SAMD13: variants seen among roughly 807,000 people sequenced by gnomAD.
The protein encoded by SAMD13 is sterile alpha motif domain containing 13.
A neutral mutation model predicts 12.4 loss-of-function variants in SAMD13; 9 were observed. The ratio of observed to expected loss-of-function variants is 0.72; its 90% CI spans 0.44 to 1.26. The LOEUF is 1.26. Among genes scored for constraint, SAMD13 ranks in the 50% most tolerant of loss-of-function variants. The pLI is 0.00. For synonymous variants in SAMD13, 46 were observed against 45.4 expected, an observed-to-expected ratio of 1.01 and a Z score of -0.05; for missense variants, 84 against 119.6, an observed-to-expected ratio of 0.70 and a Z score of 1.39.
intron 1 of SAMD13, chr1:84,302,945 C>G: frequency 3.1e-6 from 1 of 318,174 alleles, no homozygotes; most frequent in African/African-American, 2.1e-5. Context: ...TTGTTTTCAA[C>G]GAGGATTCAA....
At chr1:84,336,426 A>G (rs904202559) in intron 3 of SAMD13, among the ~76,000 whole-genome samples, 44 of 152,206 alleles carry the variant, frequency 2.9e-4, no homozygotes, top group Admixed American at 1.4e-3. Context: ...CAATCATGGC[A>G]GAAGGCAACC....
At chr1:84,311,840 G>A (rs1339914130) in intron 2 of SAMD13, among the ~76,000 whole-genome samples, 1 of 152,130 alleles carries the variant, frequency 6.6e-6, no homozygotes, top group Non-Finnish European at 1.5e-5. Flanking sequence ...CATGAATTTA[G>A]TTTTTCAAAT....
rs1195612908 is a variant in SAMD13 at position 84,337,501 on chromosome 1, C to T, written c.165+11753C>T. ...CAAGCTCTACATTGGTCCCTTTCAG[C>T]CATGGCTGGAGTGGCTGGGACACAG... is the stretch of plus-strand genomic sequence containing the variant. On this transcript the variant is annotated intron_variant, in intron 3 of 3. Coordinates refer to ENST00000394834, the MANE Select transcript of SAMD13 (RefSeq NM_001134663.2). Among the ~76,000 whole-genome samples, 11 of 152,332 alleles carry T rather than the reference C, an allele frequency of 7.2e-5. No homozygotes were observed. In the East Asian group the frequency reaches 2.1e-3, roughly 29 times the overall value.
At chr1:84,334,535 G>A (rs772067855) in intron 3 of SAMD13, among the ~76,000 whole-genome samples, 4 of 151,916 alleles carry the variant, frequency 2.6e-5, no homozygotes, top group Non-Finnish European at 5.9e-5. Context: ...CTTTTATATG[G>A]TTTTTCATGT....
At chr1:84,338,968 T>C (rs546225094) in intron 3 of SAMD13, among the ~76,000 whole-genome samples, 1 of 152,348 alleles carries the variant, frequency 6.6e-6, no homozygotes, top group Non-Finnish European at 1.5e-5. Context: ...GATTGTATTA[T>C]GAAACTCTTG....
At chr1:84,327,621 A>T (rs190154645) in intron 3 of SAMD13, among the ~76,000 whole-genome samples, 5 of 152,304 alleles carry the variant, frequency 3.3e-5, no homozygotes, top group Admixed American at 3.3e-4. Flanking sequence ...AAAAGAAAAG[A>T]ACTATGAAAA....
intron 2 of SAMD13, among the ~76,000 whole-genome samples, chr1:84,305,748 A>G (rs553417149): frequency 6.6e-5 from 10 of 152,260 alleles, no homozygotes; most frequent in Middle Eastern, 3.4e-3. Context: ...TGGATATCCA[A>G]TCTTTCCACC....
chr1:84,302,710 C>T (rs1678477961), intron 1 of SAMD13: 2 of 982,804 alleles, frequency 2.0e-6, no homozygotes, highest in Non-Finnish European at 2.4e-6. Flanking sequence ...TACTTGCTGA[C>T]AAAAGCTTTA....
intron 3 of SAMD13, among the ~76,000 whole-genome samples, chr1:84,347,305 A>G (rs1054921891): frequency 3.9e-5 from 6 of 152,222 alleles, no homozygotes; most frequent in Admixed American, 6.5e-5. Context: ...GGATTTCCAG[A>G]TGGAGCTTTC....
chr1:84,344,040 A>C (rs1020207507), intron 3 of SAMD13, among the ~76,000 whole-genome samples: 6 of 151,134 alleles, frequency 4.0e-5, no homozygotes, highest in African/African-American at 1.5e-4. Context: ...TTCCTTCATC[A>C]GAAATGTGTT....
intron 2 of SAMD13, among the ~76,000 whole-genome samples, chr1:84,307,762 AT>A (rs914383781): frequency 7.9e-5 from 12 of 151,972 alleles, no homozygotes; most frequent in African/African-American, 2.9e-4. Context: ...GACTGAGGGT[AT>A]TTTTTCCCCT....
intron 3 of SAMD13, among the ~76,000 whole-genome samples, chr1:84,325,989 T>C (rs1679052105): frequency 6.6e-6 from 1 of 152,178 alleles, no homozygotes; most frequent in South Asian, 2.1e-4. Context: ...AAAGCTCATT[T>C]ACATCTGTGT....
At chr1:84,329,417 A>G (rs142389709) in intron 3 of SAMD13, among the ~76,000 whole-genome samples, 11 of 152,296 alleles carry the variant, frequency 7.2e-5, no homozygotes, top group Middle Eastern at 3.4e-3. Flanking sequence ...GACAGTATCT[A>G]TCTTTGTGGT....
chr1:84,348,847 GA>G (rs1330221432), intron 3 of SAMD13, among the ~76,000 whole-genome samples: 2 of 152,130 alleles, frequency 1.3e-5, no homozygotes, highest in Non-Finnish European at 2.9e-5. Context: ...ACCTTATTTG[GA>G]AGTTTGAGGA....
intron 2 of SAMD13, among the ~76,000 whole-genome samples, chr1:84,305,051 G>A (rs943721863): frequency 6.6e-6 from 1 of 152,122 alleles, no homozygotes; most frequent in Non-Finnish European, 1.5e-5. Context: ...AATGGAATTG[G>A]TTGGGCTCTA....
At chr1:84,310,139 T>G (rs1678676744) in intron 2 of SAMD13, among the ~76,000 whole-genome samples, 1 of 152,110 alleles carries the variant, frequency 6.6e-6, no homozygotes, top group Non-Finnish European at 1.5e-5. Context: ...AAAATAAATT[T>G]TAATAATATA....
intron 2 of SAMD13, among the ~76,000 whole-genome samples, chr1:84,324,099 T>C (rs1679005710): frequency 6.6e-6 from 1 of 152,182 alleles, no homozygotes; most frequent in Non-Finnish European, 1.5e-5. Flanking sequence ...CACACACTCC[T>C]CTTGTTTTTC....
chr1:84,344,744 T>A (rs1312240957), intron 3 of SAMD13: 2 of 371,128 alleles, frequency 5.4e-6, no homozygotes, highest in Non-Finnish European at 1.1e-5. Flanking sequence ...TAAGAAGGCT[T>A]ATCACCAGTT....
chr1:84,331,617 G>A (rs1190732201), intron 3 of SAMD13, among the ~76,000 whole-genome samples: 2 of 152,098 alleles, frequency 1.3e-5, no homozygotes, highest in Non-Finnish European at 2.9e-5. Context: ...CTCTGCTGAT[G>A]TGTCCTTTCA....
Sources: allele counts gnomAD v4.1 joint callset (sites outside exome capture counted in the v4.1 genomes callset), GRCh38; gene constraint gnomAD v4.1.1; transcripts MANE v1.5; gene names NCBI Gene and HGNC (gene_info 2026-07-23, HGNC 2026-07-21).